Variants in USP12 observed in about 807,000 individuals in gnomAD.
USP12 encodes the protein ubiquitin specific peptidase 12, also known as ubiquitin carboxyl-terminal hydrolase 12.
Under a neutral mutation model 45.5 loss-of-function variants are expected in USP12, and 19 were observed. That is an observed-to-expected ratio of 0.42 (90% CI 0.29 to 0.61). USP12 has a LOEUF of 0.61. Ranked by LOEUF, USP12 falls within the 20% of genes least tolerant of loss-of-function variation. USP12 has a pLI of 0.22. For missense variants in USP12, 242 were observed against 447.7 expected (o/e 0.54, Z 4.15); for synonymous variants, 149 against 148.8 (o/e 1.00, Z -0.01).
At chr13:27,091,999 C>G (rs1473431769) in intron 4 of USP12, among the ~76,000 whole-genome samples, 1 of 152,234 alleles carries the variant, frequency 6.6e-6, no homozygotes, top group Non-Finnish European at 1.5e-5. Context: ...CGATAACACA[C>G]TGTACTGGAA....
chr13:27,169,318 CAAG>C (rs998594383), intron 1 of USP12, among the ~76,000 whole-genome samples: 2 of 152,140 alleles, frequency 1.3e-5, no homozygotes, highest in African/African-American at 4.8e-5. Context: ...ACTCGCCAGA[CAAG>C]AAGGATACGG....
intron 3 of USP12, among the ~76,000 whole-genome samples, chr13:27,103,857 C>T (rs1301216629): frequency 6.6e-6 from 1 of 150,832 alleles, no homozygotes; most frequent in Admixed American, 6.6e-5. Flanking sequence ...GTTTGACAAA[C>T]AAACATATAA....
At chr13:27,102,710 C>T (rs1399213275) in intron 3 of USP12, among the ~76,000 whole-genome samples, 6 of 152,234 alleles carry the variant, frequency 3.9e-5, no homozygotes, top group African/African-American at 7.2e-5. Context: ...CTCCCTCATC[C>T]TCTGTCCCCT....
chr13:27,099,386 A>G (rs1189279733), intron 3 of USP12, among the ~76,000 whole-genome samples: 2 of 152,094 alleles, frequency 1.3e-5, no homozygotes, highest in Admixed American at 6.5e-5. Flanking sequence ...GGGTCTCGCT[A>G]TGTTGTCCAG....
chr13:27,124,950 G>C (rs1722248109), intron 1 of USP12, among the ~76,000 whole-genome samples: 1 of 152,186 alleles, frequency 6.6e-6, no homozygotes, highest in African/African-American at 2.4e-5. Flanking sequence ...TATCAAAGTA[G>C]TAGGCCTTGG....
intron 1 of USP12, among the ~76,000 whole-genome samples, chr13:27,152,084 C>T (rs1407743649): frequency 6.6e-6 from 1 of 152,146 alleles, no homozygotes; most frequent in African/African-American, 2.4e-5. Flanking sequence ...CTCTGGAAAA[C>T]AGTCTGGTAG....
intron 4 of USP12, among the ~76,000 whole-genome samples, chr13:27,094,901 A>G (rs906083954): frequency 2.0e-5 from 3 of 152,110 alleles, no homozygotes; most frequent in African/African-American, 7.2e-5. Flanking sequence ...TAATCCCAGA[A>G]CTTTGAGAGG....
intron 2 of USP12, among the ~76,000 whole-genome samples, chr13:27,106,566 T>C (rs554464645): frequency 6.6e-6 from 1 of 152,108 alleles, no homozygotes; most frequent in African/African-American, 2.4e-5. Flanking sequence ...ACTATGAAAC[T>C]ATAAAAAAGG....
intron 1 of USP12, among the ~76,000 whole-genome samples, chr13:27,132,159 A>G (rs1420537540): frequency 6.6e-6 from 1 of 152,198 alleles, no homozygotes; most frequent in Non-Finnish European, 1.5e-5. Context: ...ACTTACTCAT[A>G]TATTCAGGGA....
At position 27,090,248 on chromosome 13, in the gene USP12, T is replaced by C; in HGVS notation, c.574-90A>G. On this transcript the variant is annotated intron_variant, in intron 4 of 8. Transcript: ENST00000282344. Reference sequence around the variant, plus strand: ...AGAATTAAATGCCATTCTATTATTATCAGTAAGTAAACAATTCTTTTCCCT... The same window carrying C: ...AGAATTAAATGCCATTCTATTATTACCAGTAAGTAAACAATTCTTTTCCCT... 10 of 1,024,242 alleles carry C rather than the reference T, an allele frequency of 9.8e-6. No individual in the cohort carries two copies. In the South Asian group the frequency reaches 1.8e-4, roughly 18 times the overall value. 63.4% of individuals were successfully genotyped at this position (1,024,242 alleles called of 1,614,324 possible). A position where few individuals can be genotyped will look rare whatever the true frequency, so the allele number is the denominator to read the frequency against.
chr13:27,137,382 A>G (rs1876852978), intron 1 of USP12, among the ~76,000 whole-genome samples: 1 of 152,212 alleles, frequency 6.6e-6, no homozygotes. Context: ...ATGATCTATT[A>G]AGTGGGGATA....
chr13:27,167,155 G>A (rs543934715), intron 1 of USP12, among the ~76,000 whole-genome samples: 162 of 152,108 alleles, frequency 1.1e-3, no homozygotes, highest in Middle Eastern at 6.8e-3. Flanking sequence ...CCAGCTACTC[G>A]GGAGGCTGAG....
At chr13:27,170,192 A>G (rs966463805) in intron 1 of USP12, 25 of 397,556 alleles carry the variant, frequency 6.3e-5, no homozygotes, top group African/African-American at 3.1e-4. Context: ...GGAGTCTTCA[A>G]TGATTCATCC....
intron 1 of USP12, among the ~76,000 whole-genome samples, chr13:27,130,826 A>G (rs1315991666): frequency 6.6e-6 from 1 of 152,210 alleles, no homozygotes; most frequent in Non-Finnish European, 1.5e-5. Context: ...ATGAGGTCAA[A>G]TCACAAGTCC....
chr13:27,133,172 A>G (rs1440129147), intron 1 of USP12, among the ~76,000 whole-genome samples: 2 of 152,230 alleles, frequency 1.3e-5, no homozygotes, highest in African/African-American at 2.4e-5. Flanking sequence ...TGATCTATTA[A>G]TAACACAGTC....
intron 1 of USP12, among the ~76,000 whole-genome samples, chr13:27,126,008 C>G (rs1876220117): frequency 1.3e-5 from 2 of 152,260 alleles, no homozygotes; most frequent in African/African-American, 4.8e-5. Flanking sequence ...TCAGCAAGGC[C>G]TACTGCCTCT....
At chr13:27,117,687 T>A in intron 1 of USP12, 1 of 514,736 alleles carries the variant, frequency 1.9e-6, no homozygotes, top group South Asian at 1.4e-5. Flanking sequence ...TATACCTGAG[T>A]GAGTGCTGGA....
At chr13:27,108,447 T>C (rs1457302646) in intron 2 of USP12, among the ~76,000 whole-genome samples, 1 of 151,218 alleles carries the variant, frequency 6.6e-6, no homozygotes, top group Non-Finnish European at 1.5e-5. Context: ...GAGGAGTTAA[T>C]GGGTGCAGCA....
At chr13:27,107,190 T>C (rs1451620114) in intron 2 of USP12, among the ~76,000 whole-genome samples, 3 of 152,150 alleles carry the variant, frequency 2.0e-5, no homozygotes, top group Non-Finnish European at 2.9e-5. Context: ...CTAGGCATGA[T>C]GACACATGCC....
Sources: gnomAD v4.1 joint callset for allele counts (sites outside exome capture counted in the v4.1 genomes callset) on GRCh38, gnomAD v4.1.1 for gene constraint, MANE v1.5 for transcripts, NCBI Gene and HGNC (gene_info 2026-07-23, HGNC 2026-07-21) for gene names.